The following MLLT3 variants were observed in gnomAD, a reference collection of about 807,000 sequenced individuals.
MLLT3 encodes the protein MLLT3 super elongation complex subunit, also known as protein AF-9.
Under a neutral mutation model 53.2 loss-of-function variants are expected in MLLT3, and 4 were observed. That is an observed-to-expected ratio of 0.08 (90% CI 0.04 to 0.17). The LOEUF (loss-of-function observed/expected upper bound fraction) is 0.17. Among genes scored for constraint, MLLT3 ranks in the 10% least tolerant of loss-of-function variants. The probability of loss-of-function intolerance (pLI) is 1.00; values close to 1 mark genes in which losing one functional copy is unlikely to be tolerated. For missense variants in MLLT3, 569 were observed against 684.0 expected (o/e 0.83, Z 1.87); for synonymous variants, 283 against 230.6 (o/e 1.23, Z -2.06).
In MLLT3 at chr9:20,622,197, G is replaced by A. The variant is rs1486186361; in HGVS notation, c.12+48C>T. The A allele has an allele frequency of 7.1e-6, 11 of 1,559,482 alleles. No individual in the cohort carries two copies. In the Admixed American group the frequency reaches 8.5e-5, roughly 12 times the overall value. ...CTGGGCTGCGGCGGCGCAGGGCGAG[G>A]AAGGAAAGTGGGGGAGGGCTTTTAT... On this transcript the variant is annotated intron_variant, in intron 1 of 10. Coordinates refer to ENST00000380338, the MANE Select transcript of MLLT3 (RefSeq NM_004529.4).
At chr9:20,509,088 T>C (rs1290500654) in intron 2 of MLLT3, among the ~76,000 whole-genome samples, 5 of 152,238 alleles carry the variant, frequency 3.3e-5, no homozygotes, top group African/African-American at 1.2e-4. Flanking sequence ...AGGCTTCATA[T>C]TGCATATGAT....
At chr9:20,510,080 T>C (rs1257765130) in intron 2 of MLLT3, among the ~76,000 whole-genome samples, 1 of 152,130 alleles carries the variant, frequency 6.6e-6, no homozygotes. Context: ...TAGATAAATA[T>C]TAAATATTTC....
chr9:20,522,470 A>G (rs1462184942), intron 2 of MLLT3, among the ~76,000 whole-genome samples: 1 of 152,138 alleles, frequency 6.6e-6, no homozygotes, highest in Non-Finnish European at 1.5e-5. Flanking sequence ...CTTCTCTTAG[A>G]TATAATCTCT....
chr9:20,360,459 T>C lies in MLLT3; in HGVS notation c.1431+283A>G, dbSNP rs377390486. On this transcript the variant is annotated intron_variant, in intron 8 of 10. Transcript: ENST00000380338. ...ACTTACTGCTGAAGTGTAAAGTATA[T>C]AGAAATCAGGAGTAAATGGTAAATG... 7.2e-5 allele frequency among the ~76,000 whole-genome samples: 11 copies of C among 152,284 alleles called. No homozygotes were observed. The East Asian group carries it at 1.2e-3, about 16-fold the overall frequency.
chr9:20,583,162 C>T (rs747434567), intron 2 of MLLT3, among the ~76,000 whole-genome samples: 4 of 152,056 alleles, frequency 2.6e-5, no homozygotes, highest in Non-Finnish European at 5.9e-5. Flanking sequence ...AAAGGAGTTA[C>T]AGGGCCCATG....
In MLLT3 at chr9:20,417,185, A is replaced by ATATATATAT. The variant is rs1475015183; in HGVS notation, c.421-2769_421-2761dup. The stretch of plus-strand genomic sequence containing the variant: ...GATTTTCAGCCTATCTGATATTTAT[A>ATATATATAT]TATATATATTATATATTATATATAT... On this transcript the variant is annotated intron_variant, in intron 4 of 10. Coordinates refer to ENST00000380338, the MANE Select transcript of MLLT3 (RefSeq NM_004529.4). Among the ~76,000 whole-genome samples, 842 of 143,260 alleles carry ATATATATAT rather than the reference A, an allele frequency of 5.9e-3. 9 individuals carry two copies. Among genetic ancestry groups the ATATATATAT allele is most frequent in the Non-Finnish European group, 9.5e-3 (628 of 66,266 alleles). The allele number at this position is 143,260 out of a possible 152,430, so 94.0% of individuals were successfully genotyped here.
chr9:20,403,279 C>G (rs1822501488), intron 5 of MLLT3, among the ~76,000 whole-genome samples: 1 of 152,132 alleles, frequency 6.6e-6, no homozygotes, highest in Non-Finnish European at 1.5e-5. Context: ...CTGTATAAAA[C>G]TGTATGTGAT....
intron 2 of MLLT3, among the ~76,000 whole-genome samples, chr9:20,540,110 T>C (rs1413644280): frequency 6.6e-6 from 1 of 152,240 alleles, no homozygotes; most frequent in Non-Finnish European, 1.5e-5. Context: ...GGCATGCTGA[T>C]GCAAGGGCTG....
At chr9:20,544,288 C>G (rs1248386854) in intron 2 of MLLT3, among the ~76,000 whole-genome samples, 1 of 151,920 alleles carries the variant, frequency 6.6e-6, no homozygotes, top group East Asian at 1.9e-4. Flanking sequence ...GTATAGGCAA[C>G]GAAGCAAAAG....
At position 20,365,692 on chromosome 9, in the gene MLLT3, G is replaced by C. The variant is rs1821432351; in HGVS notation, c.1178C>G (p.Thr393Arg). Residue 393 changes from threonine to arginine, a missense_variant, in exon 6 of 11, where the codon ACA (threonine) becomes AGA (arginine). Thr to Arg is a moderately conservative substitution (Grantham distance 71). Transcript: ENST00000380338. ...ACCTTGTTGCCTGGTCTGGGATGGT[G>C]TGAAGCTGGAGCTGGAGCTGGAGCT... Reference protein sequence around the residue: ...SSSSSSSSSFTPSQTRQQGPL... With the variant: ...SSSSSSSSSFRPSQTRQQGPL... 1 of 1,614,216 alleles carries C rather than the reference G, an allele frequency of 6.2e-7. No homozygotes were observed. The highest frequency in any genetic ancestry group is 8.5e-7 in the Non-Finnish European group (1 of 1,180,030).
At chr9:20,420,832 C>T (rs958830201) in intron 4 of MLLT3, among the ~76,000 whole-genome samples, 60 of 152,278 alleles carry the variant, frequency 3.9e-4, no homozygotes, top group African/African-American at 1.3e-3. Flanking sequence ...TCTCCTAATG[C>T]TATCCTTGAA....
rs548580235 is a variant in MLLT3 at position 20,374,755 on chromosome 9, G to C, written c.1126-9011C>G. Among the ~76,000 whole-genome samples the C allele has an allele frequency of 9.9e-5, 15 of 152,242 alleles. No individual in the cohort carries two copies. In the South Asian group the frequency reaches 1.7e-3, roughly 17 times the overall value. ...AACTCTAACCTCATAATGTATTTTT[G>C]TGTAGCTCTATCATATTCCTTATTT... is the stretch of plus-strand genomic sequence containing the variant. On this transcript the variant is annotated intron_variant, in intron 5 of 10. Transcript: ENST00000380338.
intron 2 of MLLT3, among the ~76,000 whole-genome samples, chr9:20,569,093 G>A (rs536431824): frequency 6.6e-6 from 1 of 152,254 alleles, no homozygotes; most frequent in East Asian, 1.9e-4. Context: ...CACCCCTCCT[G>A]TCCATGCTCA....
intron 2 of MLLT3, among the ~76,000 whole-genome samples, chr9:20,465,438 G>A (rs181892443): frequency 1.8e-4 from 27 of 152,076 alleles, no homozygotes; most frequent in Non-Finnish European, 3.4e-4. Flanking sequence ...TTTTTATTCT[G>A]ACCCTTTTTC....
At chr9:20,526,003 G>A (rs1818191227) in intron 2 of MLLT3, among the ~76,000 whole-genome samples, 1 of 152,066 alleles carries the variant, frequency 6.6e-6, no homozygotes, top group Non-Finnish European at 1.5e-5. Flanking sequence ...AAGGGTGGTG[G>A]GAAGCATTGC....
intron 2 of MLLT3, among the ~76,000 whole-genome samples, chr9:20,593,328 G>T (rs1361615364): frequency 4.6e-5 from 7 of 152,180 alleles, no homozygotes; most frequent in Admixed American, 4.6e-4. Flanking sequence ...GGGACCTCGA[G>T]AGGAGAGGAA....
At chr9:20,437,402 G>A (rs964471611) in intron 4 of MLLT3, among the ~76,000 whole-genome samples, 1 of 151,970 alleles carries the variant, frequency 6.6e-6, no homozygotes, top group East Asian at 1.9e-4. Flanking sequence ...TTAAGTGTAC[G>A]TATATAAGCC....
At chr9:20,592,475 T>C (rs1198804085) in intron 2 of MLLT3, among the ~76,000 whole-genome samples, 15 of 152,312 alleles carry the variant, frequency 9.8e-5, no homozygotes, top group Admixed American at 9.8e-4. Context: ...TTGGTGTGTC[T>C]GTCCTAATCT....
intron 2 of MLLT3, among the ~76,000 whole-genome samples, chr9:20,475,660 C>A (rs995096122): frequency 6.6e-6 from 1 of 151,898 alleles, no homozygotes; most frequent in South Asian, 2.1e-4. Flanking sequence ...GGTTCAGGTC[C>A]CCGGGTCAGG....
Sources: gnomAD v4.1 joint callset for allele counts (sites outside exome capture counted in the v4.1 genomes callset) on GRCh38, gnomAD v4.1.1 for gene constraint, MANE v1.5 for transcripts, NCBI Gene and HGNC (gene_info 2026-07-23, HGNC 2026-07-21) for gene names.